FAP: variants seen among roughly 807,000 people sequenced by gnomAD.
The protein encoded by FAP is prolyl endopeptidase FAP.
In FAP, 110 loss-of-function variants were observed where a neutral mutation model predicts 126.5. The ratio of observed to expected loss-of-function variants is 0.87; its 90% CI spans 0.74 to 1.02. The LOEUF (loss-of-function observed/expected upper bound fraction) is 1.02. Among genes scored for constraint, FAP ranks in the 50% least tolerant of loss-of-function variants. The probability of loss-of-function intolerance (pLI) is 0.00; values close to 1 mark genes in which losing one functional copy is unlikely to be tolerated. For missense variants in FAP, 919 were observed against 909.2 expected (o/e 1.01, Z -0.14); for synonymous variants, 334 against 297.3 (o/e 1.12, Z -1.27).
chr2:162,203,010 T>C (rs909323561), intron 13 of FAP, 31 bp downstream of exon 13: 1 of 1,587,330 alleles, frequency 6.3e-7, no homozygotes, highest in Non-Finnish European at 8.7e-7. Flanking sequence ...GTGAATGATC[T>C]TTGAGGAGAT....
In FAP at chr2:162,183,565, C is replaced by T. The variant is rs79138696; in HGVS notation, c.1815-97G>A. 77 of 728,544 alleles carry T rather than the reference C, an allele frequency of 1.1e-4. 1 individual carries two copies. Among genetic ancestry groups the T allele is most frequent in the Admixed American group, 2.2e-4 (9 of 40,484 alleles). 45.1% of individuals were successfully genotyped at this position (728,544 alleles called of 1,614,324 possible). A position where few individuals can be genotyped will look rare whatever the true frequency, so the allele number is the denominator to read the frequency against. ...ATTTAATCCAAAGATTTAATAGAAA[C>T]GCTACATTTTCTTTGTTTAAACACA... On this transcript the variant is annotated intron_variant, in intron 20 of 25. Coordinates refer to ENST00000188790, the MANE Select transcript of FAP (RefSeq NM_004460.5).
intron 16 of FAP, chr2:162,197,792 T>A (rs1688314227): frequency 2.7e-6 from 1 of 365,168 alleles, no homozygotes; most frequent in Non-Finnish European, 5.4e-6. Flanking sequence ...TTAAGCCACA[T>A]ACCCCTACCA....
chr2:162,202,473 A>C (rs1446271540), intron 14 of FAP, among the ~76,000 whole-genome samples: 3 of 152,234 alleles, frequency 2.0e-5, no homozygotes, highest in Non-Finnish European at 4.4e-5. Flanking sequence ...GACAGTTGTT[A>C]TAAATAATAA....
In FAP at chr2:162,232,560, G is replaced by A. The variant is rs576277756; in HGVS notation, c.92-5939C>T. On this transcript the variant is annotated intron_variant, in intron 2 of 25. Coordinates refer to ENST00000188790, the MANE Select transcript of FAP (RefSeq NM_004460.5). ...GTGAGGCAATTTGAGCTTTTTCAAA[G>A]CAAATAGGTTGCTAGCTATTATAAA... 2.6e-5 allele frequency among the ~76,000 whole-genome samples: 4 copies of A among 152,250 alleles called. No homozygotes were observed. The South Asian group carries it at 8.3e-4, about 32-fold the overall frequency.
chr2:162,226,371 C>T (rs763327700), intron 3 of FAP, 152 bp downstream of exon 3: 8 of 457,608 alleles, frequency 1.7e-5, no homozygotes, highest in African/African-American at 4.1e-5. Flanking sequence ...TTGTCAAAAG[C>T]GCTTTTTTGA....
chr2:162,238,441 T>C (rs1445764515), intron 2 of FAP, among the ~76,000 whole-genome samples: 1 of 152,220 alleles, frequency 6.6e-6, no homozygotes, highest in East Asian at 1.9e-4. Context: ...TCTTTTTAAA[T>C]TATTTAGAAT....
At chr2:162,198,711 A>G (rs1228439746) in intron 16 of FAP, 46 bp downstream of exon 16, 2 of 1,608,554 alleles carry the variant, frequency 1.2e-6, no homozygotes, top group East Asian at 2.2e-5. Context: ...GAGGATGACA[A>G]CCATGCCTGT....
chr2:162,198,396 C>A, intron 16 of FAP: 1 of 1,244,382 alleles, frequency 8.0e-7, no homozygotes, highest in Non-Finnish European at 1.0e-6. Context: ...TTGCTCAGGT[C>A]TTGCGAAGCC....
intron 11 of FAP, among the ~76,000 whole-genome samples, chr2:162,211,960 G>A (rs796672468): frequency 6.6e-5 from 10 of 152,184 alleles, no homozygotes; most frequent in African/African-American, 1.9e-4. Context: ...TGGGAAATTC[G>A]ACACTGTTGT....
chr2:162,219,114 T>G lies in FAP; in HGVS notation c.556A>C (p.Asn186His). 6.2e-7 allele frequency: 1 copy of G among 1,606,080 alleles called. No homozygotes were observed. Among genetic ancestry groups the G allele is most frequent in the Non-Finnish European group, 8.5e-7 (1 of 1,174,776 alleles). ...TTAAATATTTTATTTTCTCTTCCAT[T>G]AAATGTTATTTGAAAAGGTGGATCT... is the stretch of plus-strand genomic sequence containing the variant. ...PGDPPFQITF[N>H]GRENKIFNGI... The change falls in exon 8 of 26, where the codon AAT (asparagine) becomes CAT (histidine). Residue 186 changes from asparagine (N) to histidine (H), a missense_variant. Physicochemically the swap from Asn to His is moderately conservative, Grantham distance 68. Coordinates refer to ENST00000188790, the MANE Select transcript of FAP (RefSeq NM_004460.5).
chr2:162,193,149 A>G (rs1404311073), intron 17 of FAP, among the ~76,000 whole-genome samples: 2 of 152,198 alleles, frequency 1.3e-5, no homozygotes, highest in Non-Finnish European at 2.9e-5. Context: ...TGCTGACACC[A>G]AATGCAATGT....
At chr2:162,192,807 A>T (rs1183859969) in intron 17 of FAP, among the ~76,000 whole-genome samples, 1 of 152,126 alleles carries the variant, frequency 6.6e-6, no homozygotes, top group Non-Finnish European at 1.5e-5. Context: ...GTATCAAGCC[A>T]ATCATCCAAA....
intron 15 of FAP, 126 bp from the exon 16 acceptor site, chr2:162,199,007 T>C (rs928565232): frequency 3.8e-5 from 30 of 785,316 alleles, no homozygotes; most frequent in Non-Finnish European, 5.9e-5. Context: ...CTGTTGCCAA[T>C]ATCATTTAAA....
At chr2:162,237,993 CT>C (rs34533034) in intron 2 of FAP, among the ~76,000 whole-genome samples, 1 of 150,428 alleles carries the variant, frequency 6.6e-6, no homozygotes, top group African/African-American at 2.4e-5. Context: ...GCATAAATGC[CT>C]TTTTTTGAGA....
chr2:162,210,061 G>T, intron 11 of FAP, 65 bp from the exon 12 acceptor site: 1 of 1,387,128 alleles, frequency 7.2e-7, no homozygotes, highest in Non-Finnish European at 1.0e-6. Flanking sequence ...AATGTAATCT[G>T]GACATTTGGA....
chr2:162,194,844 T>A, intron 16 of FAP, 96 bp from the exon 17 acceptor site: 1 of 1,023,504 alleles, frequency 9.8e-7, no homozygotes, highest in Admixed American at 1.8e-5. Context: ...TAGTGTCAAG[T>A]GCCAGTACAT....
Position 162,215,958 on chromosome 2 carries a change from G to A in FAP, c.806C>T (p.Thr269Ile), listed in dbSNP as rs1488666696. 6.2e-7 allele frequency: 1 copy of A among 1,614,034 alleles called. No individual in the cohort carries two copies. Among genetic ancestry groups the A allele is most frequent in the East Asian group, 2.2e-5 (1 of 44,876 alleles). ...NPVVRIFIIDTTYPAYVGPQE... is the reference protein window; with the variant it reads ...NPVVRIFIIDITYPAYVGPQE... ...GGGACCTACATACGCAGGGTAAGTG[G>A]TATCGATAATAAATATCCGAACAAC... is the stretch of plus-strand genomic sequence containing the variant. The change falls in exon 10 of 26, where the codon ACC becomes ATC. Residue 269 changes from threonine to isoleucine, a missense_variant. Thr to Ile is a moderately conservative substitution (Grantham distance 89). Transcript: ENST00000188790.
intron 2 of FAP, among the ~76,000 whole-genome samples, chr2:162,233,191 GA>G (rs1231595941): frequency 2.6e-5 from 4 of 151,794 alleles, no homozygotes. Context: ...TTAATGCTAA[GA>G]AAAAAAATTC....
At chr2:162,190,486 A>T (rs761735813) in intron 17 of FAP, among the ~76,000 whole-genome samples, 1 of 152,072 alleles carries the variant, frequency 6.6e-6, no homozygotes, top group Non-Finnish European at 1.5e-5. Flanking sequence ...ACTTGAGCTC[A>T]GTTATATTTC....
Sources: gnomAD v4.1 joint callset for allele counts (sites outside exome capture counted in the v4.1 genomes callset) on GRCh38, gnomAD v4.1.1 for gene constraint, MANE v1.5 for transcripts, NCBI Gene and HGNC (gene_info 2026-07-23, HGNC 2026-07-21) for gene names.